PTPRF: variants seen among roughly 807,000 people sequenced by gnomAD.
PTPRF encodes receptor-type tyrosine-protein phosphatase F.
Under a neutral mutation model 201.8 loss-of-function variants are expected in PTPRF, and 59 were observed. The ratio of observed to expected loss-of-function variants is 0.29; its 90% CI spans 0.24 to 0.36. The LOEUF (loss-of-function observed/expected upper bound fraction) is 0.36. Ranked by LOEUF, PTPRF falls within the 10% of genes least tolerant of loss-of-function variation. The probability of loss-of-function intolerance (pLI) is 1.00; values close to 1 mark genes in which losing one functional copy is unlikely to be tolerated. For missense variants in PTPRF, 2,132 were observed against 2,690.5 expected (o/e 0.79, Z 4.59); for synonymous variants, 1,088 against 1,089.7 (o/e 1.00, Z 0.03).
chr1:43,612,929 C>A, intron 22 of PTPRF: 1 of 811,838 alleles, frequency 1.2e-6, no homozygotes, highest in Non-Finnish European at 1.8e-6. Context: ...TTTCTTCTCC[C>A]CCAATCCCAC....
rs572629636 is a variant in PTPRF, at chr1:43,603,458, G to A, written c.2383G>A (p.Val795Ile). 1.7e-5 allele frequency: 28 copies of A among 1,614,122 alleles called. No homozygotes were observed. Among genetic ancestry groups the A allele is most frequent in the East Asian group, 2.2e-5 (1 of 44,874 alleles). Reference sequence around the variant, plus strand: ...CCTGACCCCGGAGACCACCTACTCCGTTACTGTTGCTGCCTATACCACCAA... The same window carrying A: ...CCTGACCCCGGAGACCACCTACTCCATTACTGTTGCTGCCTATACCACCAA... The part of the protein sequence containing the change: ...SGLTPETTYS[V>I]TVAAYTTKGD... The change falls in exon 15 of 34, where the codon GTT becomes ATT. Residue 795 changes from valine to isoleucine, a missense_variant. This residue lies in a region of PTPRF where 818 missense variants were observed against 915.3 expected (regional missense o/e 0.89). Coordinates refer to ENST00000359947, the MANE Select transcript of PTPRF (RefSeq NM_002840.5). This position sits in a 1 kb window ranked among gnomAD's most constrained non-coding sequence, Gnocchi z 5.8.
chr1:43,574,187 G>C (rs1218751057), intron 6 of PTPRF, among the ~76,000 whole-genome samples: 2 of 151,388 alleles, frequency 1.3e-5, no homozygotes, highest in Admixed American at 6.6e-5. Flanking sequence ...GTAGAGACAG[G>C]GTTTCACCAT....
At chr1:43,531,324 A>T (rs1570838791) in intron 1 of PTPRF, among the ~76,000 whole-genome samples, 1 of 87,810 alleles carries the variant, frequency 1.1e-5, no homozygotes, top group Admixed American at 1.7e-4. Context: ...ACGCGCCCCC[A>T]GCGCTGCTGG....
intron 5 of PTPRF, among the ~76,000 whole-genome samples, chr1:43,562,088 G>C (rs1569954368): frequency 6.6e-6 from 1 of 152,194 alleles, no homozygotes; most frequent in East Asian, 1.9e-4. Flanking sequence ...CCCTCCTACT[G>C]GTTTGCTTGC....
rs1420786848 is a variant in PTPRF, at chr1:43,620,870, G to A, written c.5397G>A (p.Gln1799=). The A allele has an allele frequency of 5.0e-6, 8 of 1,613,796 alleles. No individual in the cohort carries two copies. The highest frequency in any genetic ancestry group is 6.8e-6 in the Non-Finnish European group (8 of 1,179,842). Reference sequence around the variant, plus strand: ...AGTCAAGGACAATCCGGCAGTTCCAGTTCACAGACTGGCCAGAGCAGGGCG... The same window carrying A: ...AGTCAAGGACAATCCGGCAGTTCCAATTCACAGACTGGCCAGAGCAGGGCG... ...DGQSRTIRQF[Q]FTDWPEQGVP... is the part of the protein sequence containing the mutation. Residue 1799 remains glutamine (Q), a synonymous_variant, in exon 32 of 34, where the codon CAG becomes CAA. Transcript: ENST00000359947.
rs756757973 is a variant in PTPRF, at chr1:43,604,970, C to T, written c.3105C>T (p.Pro1035=). The T allele has an allele frequency of 1.3e-5, 21 of 1,614,118 alleles. No homozygotes were observed. The highest frequency in any genetic ancestry group is 4.5e-5 in the East Asian group (2 of 44,882). ...CTGTGCTGCTCAGCTGGGAGGTTCC[C>T]GACTCCTATAAGTCAGCTGTGCCCT... ...KTSVLLSWEV[P]DSYKSAVPFK... Residue 1035 remains proline (P), a synonymous_variant, in exon 17 of 34, where the codon CCC becomes CCT. Transcript: ENST00000359947.
At chr1:43,577,569 C>T (rs1647010994) in intron 6 of PTPRF, among the ~76,000 whole-genome samples, 1 of 152,200 alleles carries the variant, frequency 6.6e-6, no homozygotes, top group Non-Finnish European at 1.5e-5. Flanking sequence ...AGGTCAGACC[C>T]AGGGTGGTAC....
intron 7 of PTPRF, among the ~76,000 whole-genome samples, chr1:43,587,173 A>G (rs186947949): frequency 2.6e-5 from 4 of 152,304 alleles, no homozygotes; most frequent in Non-Finnish European, 5.9e-5. Context: ...TGGGCTGGGC[A>G]GAGGAGTCAC....
chr1:43,534,770 C>A (rs533692233), intron 1 of PTPRF, among the ~76,000 whole-genome samples: 2 of 152,252 alleles, frequency 1.3e-5, no homozygotes, highest in East Asian at 3.9e-4. Flanking sequence ...TAGAGCTGTG[C>A]ACCTCGAGAG....
At chr1:43,604,806 A>G (rs906144176) in intron 16 of PTPRF, 97 bp from the exon 17 acceptor site, 88 of 1,025,424 alleles carry the variant, frequency 8.6e-5, no homozygotes, top group Non-Finnish European at 1.2e-4. Flanking sequence ...CTGTTCCCCA[A>G]CCAGTGTCTC....
intron 23 of PTPRF, among the ~76,000 whole-genome samples, chr1:43,614,838 T>A (rs1370249740): frequency 2.7e-5 from 4 of 150,688 alleles, no homozygotes; most frequent in Non-Finnish European, 5.9e-5. Flanking sequence ...GGTGACAGAG[T>A]GAGACTCCCT....
intron 7 of PTPRF, among the ~76,000 whole-genome samples, chr1:43,580,497 C>T (rs1647309382): frequency 1.3e-5 from 2 of 152,244 alleles, no homozygotes; most frequent in Admixed American, 6.5e-5. Flanking sequence ...CCCTAGCTTA[C>T]TGTCAGGTGT....
rs1654159156 is a variant in PTPRF at position 43,603,051 on chromosome 1, T to TA, written c.2341-365_2341-364insA. Among the ~76,000 whole-genome samples the TA allele has an allele frequency of 6.6e-6, 1 of 152,158 alleles. No individual in the cohort carries two copies. Among genetic ancestry groups the TA allele is most frequent in the African/African-American group, 2.4e-5 (1 of 41,430 alleles). On this transcript the variant is annotated intron_variant, in intron 14 of 33. Transcript: ENST00000359947. The surrounding 1 kb of genome is among the most constrained non-coding windows in gnomAD (Gnocchi z 5.8). ...GCAGGAGCTGTAGGCTGTGTGCGTG[T>TA]GGCTGCCAAGAGCCACGCAAGGTGC... is the stretch of plus-strand genomic sequence containing the variant.
At chr1:43,590,908 G>T (rs1570393929) in intron 8 of PTPRF, 64 bp from the exon 9 acceptor site, 1 of 1,427,716 alleles carries the variant, frequency 7.0e-7, no homozygotes, top group East Asian at 2.3e-5. Context: ...TAATCCCCAA[G>T]TCTAGGGTTG....
intron 20 of PTPRF, 41 bp from the exon 21 acceptor site, chr1:43,606,773 C>A (rs745754625): frequency 3.1e-6 from 5 of 1,600,764 alleles, no homozygotes; most frequent in South Asian, 1.1e-5. Flanking sequence ...GGGGGGTTCT[C>A]ACGCTGAGCT....
Position 43,605,439 on chromosome 1 carries a change from G to T in PTPRF, c.3385G>T (p.Val1129Phe). Reference protein sequence around the residue: ...SMPHVQDPSLVRWFYIVVVPI... With the variant: ...SMPHVQDPSLFRWFYIVVVPI... ...GCCCCATGTGCAAGACCCCTCGCTTGTCAGGTGTGCACACGAGGTATCGGG... is the reference window on the plus strand; with the variant it reads ...GCCCCATGTGCAAGACCCCTCGCTTTTCAGGTGTGCACACGAGGTATCGGG... The change falls in exon 18 of 34, where the codon GTC becomes TTC. Residue 1129 changes from valine to phenylalanine, a missense_variant. By Grantham distance (50) the Val-to-Phe change is conservative. Around this residue, in one of 6 missense-constraint regions of PTPRF, gnomAD observed 818 missense variants for 915.3 expected, o/e 0.89. Coordinates refer to ENST00000359947, the MANE Select transcript of PTPRF (RefSeq NM_002840.5). 2.5e-6 allele frequency: 4 copies of T among 1,609,234 alleles called. No homozygotes were observed. Among genetic ancestry groups the T allele is most frequent in the Non-Finnish European group, 3.4e-6 (4 of 1,175,950 alleles).
intron 7 of PTPRF, among the ~76,000 whole-genome samples, chr1:43,583,645 G>A (rs889435520): frequency 6.6e-6 from 1 of 152,014 alleles, no homozygotes; most frequent in African/African-American, 2.4e-5. Context: ...CTGTCCTTGA[G>A]GCCCTCAGGT....
intron 33 of PTPRF, 89 bp downstream of exon 33, chr1:43,621,321 A>G (rs1296519301): frequency 9.3e-6 from 14 of 1,507,576 alleles, no homozygotes; most frequent in East Asian, 7.1e-5. Context: ...GCCCACAGGC[A>G]TGTGCATTCA....
chr1:43,597,733 A>AGT lies in PTPRF; in HGVS notation c.1814-15_1814-14insGT. On this transcript the variant is annotated splice_polypyrimidine_tract_variant and intron_variant, in intron 11 of 33. Transcript: ENST00000359947. ...CCCTCCATCTGCTTGCTTCCCCCCC[A>AGT]TTTGTCTTCCCCAGCCCCCTCCGCC... The AGT allele has an allele frequency of 2.1e-6, 1 of 479,832 alleles. No individual in the cohort carries two copies. Among genetic ancestry groups the AGT allele is most frequent in the Non-Finnish European group, 3.0e-6 (1 of 327,980 alleles). The allele number at this position is 479,832 out of a possible 1,614,324, so 29.7% of individuals were successfully genotyped here. A position where few individuals can be genotyped will look rare whatever the true frequency, so the allele number is the denominator to read the frequency against.
Sources: allele counts gnomAD v4.1 joint callset (sites outside exome capture counted in the v4.1 genomes callset), GRCh38; gene constraint gnomAD v4.1.1; regional missense constraint gnomAD v4.1.1; non-coding constraint Gnocchi (gnomAD v3.1); transcripts MANE v1.5; gene names NCBI Gene and HGNC (gene_info 2026-07-23, HGNC 2026-07-21).